The following NEIL1 variants were observed in gnomAD, a reference collection of about 807,000 sequenced individuals.
NEIL1 encodes endonuclease 8-like 1.
A neutral mutation model predicts 44.2 loss-of-function variants in NEIL1; 31 were observed. The ratio of observed to expected loss-of-function variants is 0.70; its 90% CI spans 0.53 to 0.95. The LOEUF is 0.95. NEIL1 is among the 40% of genes least tolerant of loss of function. NEIL1 has a pLI of 0.00. For synonymous variants in NEIL1, 254 were observed against 209.7 expected, an observed-to-expected ratio of 1.21 and a Z score of -1.83; for missense variants, 549 against 515.5, an observed-to-expected ratio of 1.07 and a Z score of -0.63.
At chr15:75,351,890 G>A (rs998902500) in intron 2 of NEIL1, 7 of 488,098 alleles carry the variant, frequency 1.4e-5, no homozygotes, top group African/African-American at 9.8e-5. Flanking sequence ...CCAAAGTGCT[G>A]AGATTACAGG....
intron 2 of NEIL1, chr15:75,351,390 C>T (rs1294024035): frequency 7.7e-6 from 3 of 391,338 alleles, no homozygotes; most frequent in Non-Finnish European, 1.5e-5. Flanking sequence ...ATTCTCTCAC[C>T]TCAACCTCCT....
Position 75,351,873 on chromosome 15 carries a change from C to T in NEIL1, c.435-238C>T, listed in dbSNP as rs1045579878. Reference sequence around the variant, plus strand: ...CTGACCTCAAGTGATCTGCCCGCCTCGGCCTCCCAAAGTGCTGAGATTACA... The same window carrying T: ...CTGACCTCAAGTGATCTGCCCGCCTTGGCCTCCCAAAGTGCTGAGATTACA... On this transcript the variant is annotated intron_variant, in intron 2 of 9. Transcript: ENST00000355059. The T allele has an allele frequency of 5.5e-5, 24 of 439,190 alleles. No individual in the cohort carries two copies. The Admixed American group carries it at 5.9e-4, about 11-fold the overall frequency. The allele number at this position is 439,190 out of a possible 1,614,324, so 27.2% of individuals were successfully genotyped here.
At chr15:75,348,736 G>A (rs1384994577) in intron 1 of NEIL1, 148 bp from the exon 2 acceptor site, 10 of 1,440,258 alleles carry the variant, frequency 6.9e-6, no homozygotes, top group Middle Eastern at 2.5e-4. Context: ...AGGGGATTGA[G>A]GGCCGTGGCC....
intron 2 of NEIL1, chr15:75,351,823 T>C (rs1410796058): frequency 5.7e-6 from 2 of 348,174 alleles, no homozygotes; most frequent in Admixed American, 3.9e-5. Flanking sequence ...GGTTTCACCA[T>C]GTTGGCCAGG....
At chr15:75,348,387 G>GTCAGTAAGA in intron 1 of NEIL1, 1 of 986,492 alleles carries the variant, frequency 1.0e-6, no homozygotes, top group Non-Finnish European at 1.2e-6. Flanking sequence ...GGGGCGCAGG[G>GTCAGTAAGA]AGGGGCGGCC....
Position 75,351,217 on chromosome 15 carries a change from C to G in NEIL1, c.435-894C>G, listed in dbSNP as rs2071858498. 5 of 450,420 alleles carry G rather than the reference C, an allele frequency of 1.1e-5. No homozygotes were observed. The Admixed American group carries it at 1.2e-4, about 11-fold the overall frequency. 27.9% of individuals were successfully genotyped at this position (450,420 alleles called of 1,614,324 possible). A position where few individuals can be genotyped will look rare whatever the true frequency, so the allele number is the denominator to read the frequency against. On this transcript the variant is annotated intron_variant, in intron 2 of 9. Coordinates refer to ENST00000355059, the MANE Select transcript of NEIL1 (RefSeq NM_024608.4). ...TGAGGTCCTGTGGCCACACTGTTCTCATGTCCTGAGGAGTCTGAGGTGATA... is the reference window on the plus strand; with the variant it reads ...TGAGGTCCTGTGGCCACACTGTTCTGATGTCCTGAGGAGTCTGAGGTGATA...
intron 6 of NEIL1, 45 bp downstream of exon 6, chr15:75,353,911 T>C: frequency 1.2e-6 from 2 of 1,608,944 alleles, no homozygotes; most frequent in South Asian, 1.1e-5. Context: ...AGGAGGCTGA[T>C]GGGTGGAAAC....
chr15:75,348,040 A>AC (rs1292803832), intron 1 of NEIL1: 2 of 1,102,254 alleles, frequency 1.8e-6, no homozygotes, highest in African/African-American at 3.4e-5. Context: ...AGGAGTCGAT[A>AC]CCCCCCACCC....
rs2071592181 is a variant in NEIL1, at chr15:75,348,199, C to T, written c.-22-685C>T. 6 of 705,286 alleles carry T rather than the reference C, an allele frequency of 8.5e-6. No individual in the cohort carries two copies. The South Asian group carries it at 3.0e-4, about 35-fold the overall frequency. The allele number at this position is 705,286 out of a possible 1,614,324, so 43.7% of individuals were successfully genotyped here. A position where few individuals can be genotyped will look rare whatever the true frequency, so the allele number is the denominator to read the frequency against. Reference sequence around the variant, plus strand: ...GCAGCCCGCCCGCCTCGTCCTGGCCCCTGCCCTGACCCGGGGGCGGCCGCG... The same window carrying T: ...GCAGCCCGCCCGCCTCGTCCTGGCCTCTGCCCTGACCCGGGGGCGGCCGCG... On this transcript the variant is annotated intron_variant, in intron 1 of 9. Coordinates refer to ENST00000355059, the MANE Select transcript of NEIL1 (RefSeq NM_024608.4).
chr15:75,356,463 A>G lies in NEIL1; in HGVS notation c.*1429A>G, dbSNP rs751813753. The G allele has an allele frequency of 5.7e-6, 9 of 1,588,348 alleles. No individual in the cohort carries two copies. The highest frequency in any genetic ancestry group is 7.7e-6 in the Non-Finnish European group (9 of 1,168,802). Reference sequence around the variant, plus strand: ...CCTGGAAAGAGCCTGGGGTACGACCAGGAAACAATGCTGGTGGAGAATGGG... The same window carrying G: ...CCTGGAAAGAGCCTGGGGTACGACCGGGAAACAATGCTGGTGGAGAATGGG... On this transcript the variant is annotated 3_prime_UTR_variant, in exon 10 of 10. Transcript: ENST00000355059. This position sits in a 1 kb window ranked among gnomAD's most constrained non-coding sequence, Gnocchi z 5.8.
rs998484609 is a variant in NEIL1 at position 75,348,019 on chromosome 15, G to C, written c.-23+546G>C. On this transcript the variant is annotated intron_variant, in intron 1 of 9. Coordinates refer to ENST00000355059, the MANE Select transcript of NEIL1 (RefSeq NM_024608.4). ...ACAGAGGCAAGTGGCAAAGCAGGGA[G>C]GGCGGAGGTGAGGAGTCGATACCCC... 21 of 1,178,998 alleles carry C rather than the reference G, an allele frequency of 1.8e-5. No homozygotes were observed. In the African/African-American group the frequency reaches 3.4e-4, roughly 19 times the overall value. The allele number at this position is 1,178,998 out of a possible 1,614,324, so 73.0% of individuals were successfully genotyped here. A position where few individuals can be genotyped will look rare whatever the true frequency, so the allele number is the denominator to read the frequency against.
At chr15:75,349,379 T>A (rs774182393) in intron 2 of NEIL1, 40 bp downstream of exon 2, 1 of 1,542,736 alleles carries the variant, frequency 6.5e-7, no homozygotes, top group African/African-American at 1.4e-5. Flanking sequence ...AGTCGCGGGC[T>A]CCACACCTGA....
chr15:75,352,038 G>T (rs1253643015), intron 2 of NEIL1, 73 bp from the exon 3 acceptor site: 1 of 1,505,146 alleles, frequency 6.6e-7, no homozygotes, highest in South Asian at 1.1e-5. Flanking sequence ...CCAGAAACAG[G>T]TTCTCTGAGC....
chr15:75,349,812 T>C, intron 2 of NEIL1: 1 of 162,614 alleles, frequency 6.1e-6, no homozygotes, highest in Non-Finnish European at 1.4e-5. Flanking sequence ...CGACTCTGTC[T>C]CAAAAAATAA....
At chr15:75,352,470 T>A in intron 4 of NEIL1, 83 bp downstream of exon 4, 1 of 1,564,136 alleles carries the variant, frequency 6.4e-7, no homozygotes, top group Non-Finnish European at 8.8e-7. Flanking sequence ...GGGTCAGGTG[T>A]CCCCAGCTTA....
Position 75,354,678 on chromosome 15 carries a change from C to T in NEIL1, c.962C>T (p.Pro321Leu), listed in dbSNP as rs765588130. Reference protein sequence around the residue: ...VEDALPPSKAPSRTRRAKRDL... With the variant: ...VEDALPPSKALSRTRRAKRDL... ...GACGCTTTGCCTCCAAGCAAGGCCC[C>T]TTCCAGGACACGAAGGGCAAAGAGA... Residue 321 changes from proline to leucine, a missense_variant, in exon 9 of 10, where the codon CCT (proline) becomes CTT (leucine). Coordinates refer to ENST00000355059, the MANE Select transcript of NEIL1 (RefSeq NM_024608.4). The T allele has an allele frequency of 8.1e-6, 13 of 1,614,062 alleles. No homozygotes were observed. The highest frequency in any genetic ancestry group is 1.7e-5 in the Admixed American group (1 of 59,998).
intron 5 of NEIL1, 54 bp from the exon 6 acceptor site, chr15:75,353,684 AC>A (rs1262451250): frequency 1.1e-5 from 17 of 1,607,060 alleles, no homozygotes; most frequent in Middle Eastern, 3.3e-4. Context: ...CAGGCTCCCC[AC>A]TCCTCCCAAC....
chr15:75,353,892 A>G, intron 6 of NEIL1, 26 bp downstream of exon 6: 1 of 1,611,444 alleles, frequency 6.2e-7, no homozygotes, highest in Non-Finnish European at 8.5e-7. Context: ...TCACACAGGC[A>G]GAGACCCCAG....
chr15:75,353,989 C>G, intron 6 of NEIL1, 123 bp downstream of exon 6: 1 of 1,340,824 alleles, frequency 7.5e-7, no homozygotes, highest in Non-Finnish European at 1.0e-6. Context: ...CCACACTGTT[C>G]CTGAGGGTCA....
Sources: gnomAD v4.1 joint callset for allele counts on GRCh38, gnomAD v4.1.1 for gene constraint, Gnocchi (gnomAD v3.1) non-coding constraint, MANE v1.5 for transcripts, NCBI Gene and HGNC (gene_info 2026-07-23, HGNC 2026-07-21) for gene names.